The following CNTN4 variants were observed in gnomAD, a reference collection of about 807,000 sequenced individuals.
CNTN4 encodes the protein contactin 4, also known as contactin-4.
Under a neutral mutation model 122.5 loss-of-function variants are expected in CNTN4, and 77 were observed. The ratio of observed to expected loss-of-function variants is 0.63; its 90% CI spans 0.52 to 0.76. The LOEUF is 0.76. Ranked by LOEUF, CNTN4 falls within the 30% of genes least tolerant of loss-of-function variation. The pLI, the probability that CNTN4 is intolerant of heterozygous loss-of-function variation, is 0.00. For synonymous variants in CNTN4, 512 were observed against 447.0 expected (o/e 1.15, Z -1.83); for missense variants, 1,256 against 1,259.1 (o/e 1.00, Z 0.04).
At chr3:2,912,406 C>T (rs1359257067) in intron 12 of CNTN4, among the ~76,000 whole-genome samples, 1 of 152,080 alleles carries the variant, frequency 6.6e-6, no homozygotes, top group Admixed American at 6.5e-5. Context: ...AGTTTATCAC[C>T]ACTAGGTTTA....
chr3:2,667,579 G>A (rs2084245345), intron 4 of CNTN4, among the ~76,000 whole-genome samples: 1 of 151,794 alleles, frequency 6.6e-6, no homozygotes, highest in Non-Finnish European at 1.5e-5. Flanking sequence ...TTGCTGTGCA[G>A]AAGCTCTTTA....
At chr3:2,142,125 G>C (rs2035024226) in intron 2 of CNTN4, among the ~76,000 whole-genome samples, 1 of 152,178 alleles carries the variant, frequency 6.6e-6, no homozygotes, top group Non-Finnish European at 1.5e-5. Flanking sequence ...TTAGCATGGG[G>C]CTATTTCGAT....
intron 3 of CNTN4, among the ~76,000 whole-genome samples, chr3:2,538,304 C>G (rs1023529311): frequency 6.6e-6 from 1 of 152,058 alleles, no homozygotes; most frequent in African/African-American, 2.4e-5. Flanking sequence ...TGACACAATA[C>G]ATTTCTCTTG....
At chr3:2,575,490 G>C (rs2079619660) in intron 4 of CNTN4, among the ~76,000 whole-genome samples, 1 of 152,114 alleles carries the variant, frequency 6.6e-6, no homozygotes, top group South Asian at 2.1e-4. Context: ...CAGCCTGGGT[G>C]ACAGAGCCAG....
chr3:2,831,435 C>T (rs746866799), intron 7 of CNTN4, among the ~76,000 whole-genome samples: 6 of 152,166 alleles, frequency 3.9e-5, no homozygotes, highest in Non-Finnish European at 5.9e-5. Context: ...ACTCTGTCTG[C>T]ATTATGAACT....
At chr3:2,615,386 T>G (rs141285661) in intron 4 of CNTN4, among the ~76,000 whole-genome samples, 1 of 152,336 alleles carries the variant, frequency 6.6e-6, no homozygotes, top group East Asian at 1.9e-4. Flanking sequence ...GAATCTTTAA[T>G]CTGTTTGTGT....
intron 3 of CNTN4, among the ~76,000 whole-genome samples, chr3:2,483,440 A>C (rs926904843): frequency 6.6e-6 from 1 of 152,192 alleles, no homozygotes; most frequent in Non-Finnish European, 1.5e-5. Context: ...TAATGCTGGA[A>C]TGAGCTAAGA....
At chr3:2,604,053 G>A (rs1485220317) in intron 4 of CNTN4, among the ~76,000 whole-genome samples, 1 of 152,096 alleles carries the variant, frequency 6.6e-6, no homozygotes, top group African/African-American at 2.4e-5. Context: ...AATCATACAG[G>A]CTCTTAACAT....
At chr3:2,722,024 G>A (rs1193613109) in intron 4 of CNTN4, among the ~76,000 whole-genome samples, 2 of 152,174 alleles carry the variant, frequency 1.3e-5, no homozygotes, top group Non-Finnish European at 2.9e-5. Flanking sequence ...AAATCTGCCA[G>A]CACCTCGTGC....
At chr3:2,716,958 A>G (rs1199649868) in intron 4 of CNTN4, among the ~76,000 whole-genome samples, 3 of 152,180 alleles carry the variant, frequency 2.0e-5, no homozygotes, top group Non-Finnish European at 4.4e-5. Flanking sequence ...TATCCTTTTC[A>G]TGGATGAATA....
intron 2 of CNTN4, among the ~76,000 whole-genome samples, chr3:2,326,599 A>T (rs11129105): frequency 0.58 from 87,847 of 151,754 alleles, 26,274 homozygotes; most frequent in East Asian, 0.85. Flanking sequence ...GAAATATACT[A>T]TCGCATAAAT....
intron 4 of CNTN4, among the ~76,000 whole-genome samples, chr3:2,599,827 A>G (rs1043721244): frequency 8.5e-5 from 13 of 152,084 alleles, no homozygotes; most frequent in Non-Finnish European, 1.9e-4. Flanking sequence ...AGATGGAGAA[A>G]GAAGCATTGG....
chr3:2,694,876 T>A (rs1386594644), intron 4 of CNTN4, among the ~76,000 whole-genome samples: 3 of 152,214 alleles, frequency 2.0e-5, no homozygotes, highest in Admixed American at 1.3e-4. Context: ...ACAACGTTTG[T>A]TTTTGTATTA....
intron 2 of CNTN4, among the ~76,000 whole-genome samples, chr3:2,238,295 T>C (rs554393094): frequency 7.6e-4 from 116 of 152,214 alleles, no homozygotes; most frequent in African/African-American, 2.6e-3. Flanking sequence ...TTATGAATTA[T>C]GGAATATATA....
intron 4 of CNTN4, among the ~76,000 whole-genome samples, chr3:2,583,047 C>T (rs1470106927): frequency 2.0e-5 from 3 of 152,194 alleles, no homozygotes; most frequent in Non-Finnish European, 2.9e-5. Context: ...CTAAACTCCC[C>T]AGTTTCAACT....
In CNTN4 at chr3:2,270,066, C is replaced by T. The variant is rs1187633789; in HGVS notation, c.-144-69112C>T. On this transcript the variant is annotated intron_variant, in intron 2 of 24. Coordinates refer to ENST00000418658, the MANE Select transcript of CNTN4 (RefSeq NM_175607.3). ...CCGGGTTCACGCCATTCTCCTGCCT[C>T]AGCCTCCCCAGTAGCTGGGACTACA... is the stretch of plus-strand genomic sequence containing the variant. Among the ~76,000 whole-genome samples, 15 of 93,842 alleles carry T rather than the reference C, an allele frequency of 1.6e-4. 5 individuals carry two copies. Among genetic ancestry groups the T allele is most frequent in the Non-Finnish European group, 3.6e-4 (15 of 41,632 alleles). The allele number at this position is 93,842 out of a possible 152,430, so 61.6% of individuals were successfully genotyped here. A position where few individuals can be genotyped will look rare whatever the true frequency, so the allele number is the denominator to read the frequency against.
At chr3:2,812,452 A>G (rs2092635589) in intron 6 of CNTN4, among the ~76,000 whole-genome samples, 1 of 152,224 alleles carries the variant, frequency 6.6e-6, no homozygotes, top group Non-Finnish European at 1.5e-5. Flanking sequence ...AGTTCATGCA[A>G]TATAAAGGAT....
intron 23 of CNTN4, among the ~76,000 whole-genome samples, chr3:3,044,067 A>G (rs76148372): frequency 0.032 from 4,869 of 152,214 alleles, 162 homozygotes; most frequent in South Asian, 0.14. Flanking sequence ...TAGCCTCCTG[A>G]TATTACCAAT....
At chr3:2,369,158 C>T (rs62244053) in intron 3 of CNTN4, among the ~76,000 whole-genome samples, 17,576 of 152,092 alleles carry the variant, frequency 0.12, 1,273 homozygotes, top group Non-Finnish European at 0.16. Context: ...CTCCTGACCT[C>T]GTGATCTGCT....
Sources: gnomAD v4.1 joint callset for allele counts (sites outside exome capture counted in the v4.1 genomes callset) on GRCh38, gnomAD v4.1.1 for gene constraint, MANE v1.5 for transcripts, NCBI Gene and HGNC (gene_info 2026-07-23, HGNC 2026-07-21) for gene names.